The following MYO3A variants were observed in gnomAD, a reference collection of about 807,000 sequenced individuals.
MYO3A encodes myosin-IIIa.
Under a neutral mutation model 192.7 loss-of-function variants are expected in MYO3A, and 180 were observed. That is an observed-to-expected ratio of 0.93 (90% CI 0.83 to 1.06). The LOEUF (loss-of-function observed/expected upper bound fraction) is 1.06, where lower values mean the gene tolerates loss of function less well. MYO3A is among the 50% of genes least tolerant of loss of function. The pLI is 0.00. For synonymous variants in MYO3A, 628 were observed against 645.3 expected (o/e 0.97, Z 0.41); for missense variants, 1,896 against 1,905.0 (o/e 1.00, Z 0.09).
intron 27 of MYO3A, 169 bp downstream of exon 27, chr10:26,166,347 A>G (rs905498085): frequency 2.9e-6 from 2 of 678,364 alleles, no homozygotes; most frequent in African/African-American, 1.8e-5. Flanking sequence ...TTTCGTCAAC[A>G]TTAAAGGCTT....
intron 10 of MYO3A, among the ~76,000 whole-genome samples, chr10:26,051,746 G>A (rs1411294531): frequency 6.6e-6 from 1 of 151,908 alleles, no homozygotes; most frequent in African/African-American, 2.4e-5. Flanking sequence ...TGGCTCATAG[G>A]TCAAATCAGG....
rs779163408 is a variant in MYO3A at position 26,096,381 on chromosome 10, T to A, written c.1563T>A (p.Ile521=). 3 of 1,599,600 alleles carry A rather than the reference T, an allele frequency of 1.9e-6. 1 individual carries two copies. The highest frequency in any genetic ancestry group is 4.5e-5 in the East Asian group (2 of 44,760). Residue 521 remains isoleucine, a splice_region_variant and synonymous_variant, in exon 16 of 35, where the codon ATT becomes ATA. Transcript: ENST00000642920. Reference sequence around the variant, plus strand: ...TTACTGTAAATATCTTTTTTTCCAGTGGAGAAAAAAATTTTCATATTTTTT... The same window carrying A: ...TTACTGTAAATATCTTTTTTTCCAGAGGAGAAAAAAATTTTCATATTTTTT... ...LEKSRVIHQA[I]GEKNFHIFYY...
chr10:25,982,553 C>T (rs1259955485), intron 4 of MYO3A, among the ~76,000 whole-genome samples: 1 of 152,206 alleles, frequency 6.6e-6, no homozygotes, highest in Admixed American at 6.5e-5. Context: ...CACTTTACTC[C>T]CCTGCTACCT....
At chr10:25,935,631 C>G (rs1358491509) in intron 1 of MYO3A, 113 bp from the exon 2 acceptor site, 1 of 152,160 alleles carries the variant, frequency 6.6e-6, no homozygotes, top group East Asian at 1.9e-4. Context: ...GAGGAATAAA[C>G]TATTTGTCTT....
intron 14 of MYO3A, among the ~76,000 whole-genome samples, chr10:26,075,862 A>G (rs1340878560): frequency 6.6e-6 from 1 of 150,614 alleles, no homozygotes; most frequent in African/African-American, 2.4e-5. Flanking sequence ...ATATATATCT[A>G]TATGTATCTC....
chr10:26,118,630 GC>G (rs1838662447), intron 17 of MYO3A, among the ~76,000 whole-genome samples: 1 of 150,510 alleles, frequency 6.6e-6, no homozygotes, highest in African/African-American at 2.4e-5. Context: ...ATAAATCAAA[GC>G]TTTTTTTTTT....
Position 26,153,879 on chromosome 10 carries a change from G to A in MYO3A, c.2665G>A (p.Val889Ile). 6.3e-7 allele frequency: 1 copy of A among 1,592,106 alleles called. No homozygotes were observed. The highest frequency in any genetic ancestry group is 8.6e-7 in the Non-Finnish European group (1 of 1,160,356). ...GNLPHSKTKN[V>I]INYQMRTSEK... is the part of the protein sequence containing the mutation. ...TCTGCCACATTCTAAAACTAAAAAT[G>A]TTATAAACTATCAAATGAGGACTTC... is the stretch of plus-strand genomic sequence containing the variant. The change falls in exon 24 of 35, where the codon GTT (valine) becomes ATT (isoleucine). Residue 889 changes from valine (V) to isoleucine (I), a missense_variant. By Grantham distance (29) the Val-to-Ile change is conservative (BLOSUM62 3). Transcript: ENST00000642920.
At chr10:26,194,726 C>T (rs1227087596) in intron 32 of MYO3A, among the ~76,000 whole-genome samples, 2 of 152,176 alleles carry the variant, frequency 1.3e-5, no homozygotes, top group African/African-American at 2.4e-5. Context: ...CCTCCCCTCT[C>T]ATTTCCTTTA....
intron 17 of MYO3A, among the ~76,000 whole-genome samples, chr10:26,102,580 G>A (rs982581302): frequency 4.6e-5 from 7 of 152,210 alleles, no homozygotes; most frequent in African/African-American, 9.6e-5. Context: ...ATGGGCTTTT[G>A]GTGTGTATGT....
At chr10:26,069,126 G>T (rs560497033) in intron 12 of MYO3A, among the ~76,000 whole-genome samples, 1 of 152,090 alleles carries the variant, frequency 6.6e-6, no homozygotes, top group East Asian at 1.9e-4. Flanking sequence ...ATTGGTAACG[G>T]CTCTACATTA....
Position 26,173,819 on chromosome 10 carries a change from G to GT in MYO3A, c.3556dup (p.Tyr1186LeufsTer9). On this transcript the variant is annotated frameshift_variant, in exon 30 of 35. Transcript: ENST00000642920. LOFTEE classifies it high-confidence loss of function. ...ATGCTGTGGAGAGTAACAACAGAGTGTATCAGACTCCAAAAAAAATGAATA... is the reference window on the plus strand; with the variant it reads ...ATGCTGTGGAGAGTAACAACAGAGTGTTATCAGACTCCAAAAAAAATGAATA... 1 of 1,614,070 alleles carries GT rather than the reference G, an allele frequency of 6.2e-7. No homozygotes were observed. Among genetic ancestry groups the GT allele is most frequent in the Non-Finnish European group, 8.5e-7 (1 of 1,180,006 alleles).
intron 10 of MYO3A, among the ~76,000 whole-genome samples, chr10:26,062,516 A>T (rs1203780345): frequency 1.3e-5 from 1 of 77,706 alleles, no homozygotes. Context: ...ATGCCATCTC[A>T]AAAAAAAAAA....
At chr10:26,051,924 T>C (rs773555579) in intron 10 of MYO3A, among the ~76,000 whole-genome samples, 2 of 152,186 alleles carry the variant, frequency 1.3e-5, no homozygotes, top group East Asian at 3.8e-4. Flanking sequence ...TTACATAAAA[T>C]GTGCCCTGGA....
At chr10:26,191,233 A>C (rs994989526) in intron 31 of MYO3A, among the ~76,000 whole-genome samples, 3 of 152,260 alleles carry the variant, frequency 2.0e-5, no homozygotes, top group Admixed American at 1.3e-4. Flanking sequence ...TTTAATAATC[A>C]GCACTGGGAG....
intron 23 of MYO3A, among the ~76,000 whole-genome samples, chr10:26,152,559 G>A (rs886139187): frequency 2.0e-5 from 3 of 152,156 alleles, no homozygotes; most frequent in African/African-American, 7.2e-5. Flanking sequence ...TGCAGCTCAC[G>A]TCTTTAGTTG....
At chr10:25,946,520 C>CTT (rs35754342) in intron 2 of MYO3A, among the ~76,000 whole-genome samples, 97 of 142,244 alleles carry the variant, frequency 6.8e-4, no homozygotes, top group East Asian at 2.1e-3. Context: ...TTAAGTTTCC[C>CTT]TTTTTTTTTT....
intron 17 of MYO3A, among the ~76,000 whole-genome samples, chr10:26,107,320 A>G (rs1184756172): frequency 1.3e-5 from 2 of 152,030 alleles, no homozygotes; most frequent in Non-Finnish European, 2.9e-5. Flanking sequence ...TCTCTACTCA[A>G]AATACAAAAA....
Position 26,072,707 on chromosome 10 carries a change from A to AG in MYO3A, c.1359+2306_1359+2307insG, listed in dbSNP as rs558876485. On this transcript the variant is annotated intron_variant, in intron 14 of 34. Coordinates refer to ENST00000642920, the MANE Select transcript of MYO3A (RefSeq NM_017433.5). ...GGTCAATTTTCTATGTTTATAAAAAAAAAAATCTGTGGGACTATTGGGTTT... is the reference window on the plus strand; with the variant it reads ...GGTCAATTTTCTATGTTTATAAAAAAGAAAAATCTGTGGGACTATTGGGTTT... Among the ~76,000 whole-genome samples the AG allele has an allele frequency of 2.6e-5, 4 of 151,968 alleles. No individual in the cohort carries two copies. The South Asian group carries it at 8.4e-4, about 32-fold the overall frequency.
intron 6 of MYO3A, among the ~76,000 whole-genome samples, chr10:26,016,510 G>A: frequency 6.6e-6 from 1 of 152,194 alleles, no homozygotes; most frequent in South Asian, 2.1e-4. Flanking sequence ...CGTTTACAAT[G>A]TAGAAGATAG....
Sources: gnomAD v4.1 joint callset for allele counts (sites outside exome capture counted in the v4.1 genomes callset) on GRCh38, gnomAD v4.1.1 for gene constraint, MANE v1.5 for transcripts, NCBI Gene and HGNC (gene_info 2026-07-23, HGNC 2026-07-21) for gene names.